CLOCK: variants seen among roughly 807,000 people sequenced by gnomAD.
CLOCK encodes the protein clock circadian regulator, also known as circadian locomoter output cycles protein kaput.
In CLOCK, 43 loss-of-function variants were observed where a neutral mutation model predicts 118.4. That is an observed-to-expected ratio of 0.36 (90% CI 0.28 to 0.47). The LOEUF is 0.47. Ranked by LOEUF, CLOCK falls within the 20% of genes least tolerant of loss-of-function variation. The pLI, the probability that CLOCK is intolerant of heterozygous loss-of-function variation, is 1.00. For missense variants in CLOCK, 846 were observed against 999.9 expected (o/e 0.85, Z 2.08); for synonymous variants, 326 against 339.2 (o/e 0.96, Z 0.43).
At chr4:55,459,072 T>C (rs1357090005) in intron 10 of CLOCK, 62 bp from the exon 11 acceptor site, 14 of 1,482,792 alleles carry the variant, frequency 9.4e-6, no homozygotes, top group Admixed American at 1.7e-5. Flanking sequence ...GTCACTGATA[T>C]TCAAACATCT....
chr4:55,464,417 C>A (rs1046907469), intron 8 of CLOCK, among the ~76,000 whole-genome samples: 13 of 152,196 alleles, frequency 8.5e-5, no homozygotes, highest in Non-Finnish European at 7.4e-5. Flanking sequence ...CTACAATGTG[C>A]CACGGCTGTG....
chr4:55,506,069 T>C (rs905561974), intron 2 of CLOCK, among the ~76,000 whole-genome samples: 3 of 152,290 alleles, frequency 2.0e-5, no homozygotes, highest in South Asian at 2.1e-4. Flanking sequence ...TTTTCTCTCT[T>C]TTTTTGTTTT....
At chr4:55,513,524 AC>A (rs1729296421) in intron 1 of CLOCK, among the ~76,000 whole-genome samples, 9 of 152,106 alleles carry the variant, frequency 5.9e-5, no homozygotes, top group Admixed American at 5.9e-4. Flanking sequence ...CTATGCTTTC[AC>A]CAATACCACA....
chr4:55,480,808 G>A (rs1297993674), intron 4 of CLOCK, among the ~76,000 whole-genome samples: 1 of 151,404 alleles, frequency 6.6e-6, no homozygotes, highest in Non-Finnish European at 1.5e-5. Flanking sequence ...GGAGAATGGC[G>A]TGAACCCAGG....
chr4:55,448,601 CGT>C (rs3034980), intron 18 of CLOCK, among the ~76,000 whole-genome samples, 176 bp downstream of exon 18: 3,143 of 116,860 alleles, frequency 0.027, 33 homozygotes, highest in East Asian at 0.033. Flanking sequence ...CGCACGCGCG[CGT>C]GTGTGTGTGT....
At chr4:55,480,584 A>C (rs1726848864) in intron 4 of CLOCK, among the ~76,000 whole-genome samples, 1 of 152,168 alleles carries the variant, frequency 6.6e-6, no homozygotes, top group African/African-American at 2.4e-5. Flanking sequence ...TAGTAGATAG[A>C]AACAAGTATA....
At chr4:55,526,043 T>C (rs1730163949) in intron 1 of CLOCK, among the ~76,000 whole-genome samples, 1 of 152,158 alleles carries the variant, frequency 6.6e-6, no homozygotes, top group Admixed American at 6.5e-5. Context: ...ATTTCAGATT[T>C]CAGATTTTCG....
chr4:55,510,429 T>C (rs558139996), intron 1 of CLOCK, among the ~76,000 whole-genome samples: 12 of 151,914 alleles, frequency 7.9e-5, no homozygotes, highest in Non-Finnish European at 1.0e-4. Context: ...GAGTTCAAGA[T>C]CAGCCTGGCC....
chr4:55,440,545 A>G (rs545901719), intron 21 of CLOCK, among the ~76,000 whole-genome samples: 2 of 152,360 alleles, frequency 1.3e-5, no homozygotes, highest in East Asian at 3.9e-4. Context: ...TCTTGACAAT[A>G]AAATACTCTA....
At chr4:55,451,627 G>C (rs574687800) in intron 15 of CLOCK, among the ~76,000 whole-genome samples, 16 of 152,292 alleles carry the variant, frequency 1.1e-4, no homozygotes, top group African/African-American at 3.8e-4. Flanking sequence ...TTTGGAAACA[G>C]GGCTAATTTA....
chr4:55,496,630 T>C (rs1377854464), intron 2 of CLOCK, among the ~76,000 whole-genome samples: 1 of 152,230 alleles, frequency 6.6e-6, no homozygotes, highest in Admixed American at 6.5e-5. Flanking sequence ...CAAACACATA[T>C]AATGCAAATA....
At chr4:55,446,606 A>G (rs1327095683) in intron 18 of CLOCK, among the ~76,000 whole-genome samples, 1 of 152,214 alleles carries the variant, frequency 6.6e-6, no homozygotes, top group African/African-American at 2.4e-5. Context: ...GAATAAACGC[A>G]TACATGAATG....
chr4:55,475,828 T>C (rs1431191736), intron 7 of CLOCK, 135 bp downstream of exon 7: 5 of 664,282 alleles, frequency 7.5e-6, no homozygotes, highest in African/African-American at 1.8e-5. Flanking sequence ...TGACTCATTT[T>C]ACTGAAATAT....
chr4:55,464,040 CA>C (rs1282974632), intron 8 of CLOCK, among the ~76,000 whole-genome samples: 6 of 152,152 alleles, frequency 3.9e-5, no homozygotes, highest in Admixed American at 2.6e-4. Context: ...AGCTGTGTTT[CA>C]CCAAAATGTT....
chr4:55,546,153 G>A (rs1731605622), intron 1 of CLOCK, among the ~76,000 whole-genome samples: 1 of 152,170 alleles, frequency 6.6e-6, no homozygotes, highest in Non-Finnish European at 1.5e-5. Context: ...TGGGTCACAA[G>A]GCCTAGCGGG....
intron 9 of CLOCK, among the ~76,000 whole-genome samples, chr4:55,461,567 A>C (rs1430762320): frequency 6.6e-6 from 1 of 152,126 alleles, no homozygotes. Flanking sequence ...CTAGGAATGA[A>C]ACTGAGGAGT....
intron 18 of CLOCK, among the ~76,000 whole-genome samples, chr4:55,448,039 T>G (rs1260748447): frequency 6.6e-6 from 1 of 152,210 alleles, no homozygotes; most frequent in Non-Finnish European, 1.5e-5. Flanking sequence ...CCTTCTGGAC[T>G]TAGGCCAAGA....
At chr4:55,471,549 G>A (rs987573984) in intron 7 of CLOCK, among the ~76,000 whole-genome samples, 1 of 152,160 alleles carries the variant, frequency 6.6e-6, no homozygotes, top group South Asian at 2.1e-4. Context: ...ATAAAGAAAA[G>A]TACTTCGAGC....
chr4:55,510,838 G>T (rs1434812056), intron 1 of CLOCK, among the ~76,000 whole-genome samples: 1 of 152,040 alleles, frequency 6.6e-6, no homozygotes, highest in East Asian at 1.9e-4. Context: ...TGTTCAGAAT[G>T]AAACAGGAAA....
Sources: gnomAD v4.1 joint callset for allele counts (sites outside exome capture counted in the v4.1 genomes callset) on GRCh38, gnomAD v4.1.1 for gene constraint, MANE v1.5 for transcripts, NCBI Gene and HGNC (gene_info 2026-07-23, HGNC 2026-07-21) for gene names.